DPP10: variants seen among roughly 807,000 people sequenced by gnomAD.
DPP10 encodes inactive dipeptidyl peptidase 10.
A neutral mutation model predicts 120.9 loss-of-function variants in DPP10; 33 were observed. That is an observed-to-expected ratio of 0.27 (90% CI 0.21 to 0.37). DPP10 has a LOEUF of 0.37. Ranked by LOEUF, DPP10 falls within the 10% of genes least tolerant of loss-of-function variation. The pLI is 1.00. For synonymous variants in DPP10, 337 were observed against 326.1 expected (o/e 1.03, Z -0.36); for missense variants, 816 against 942.8 (o/e 0.87, Z 1.76).
intron 1 of DPP10, among the ~76,000 whole-genome samples, chr2:114,794,413 C>A (rs184134150): frequency 6.6e-6 from 1 of 152,104 alleles, no homozygotes; most frequent in African/African-American, 2.4e-5. Flanking sequence ...TCAGAGAAAG[C>A]GAGGGTGTTC....
chr2:115,122,383 G>A (rs1193522087), intron 1 of DPP10, among the ~76,000 whole-genome samples: 1 of 152,144 alleles, frequency 6.6e-6, no homozygotes, highest in African/African-American at 2.4e-5. Flanking sequence ...CCCTAACCTT[G>A]GTCCCATCCA....
chr2:114,769,214 T>C (rs1033235574), intron 1 of DPP10, among the ~76,000 whole-genome samples: 1 of 152,152 alleles, frequency 6.6e-6, no homozygotes, highest in Non-Finnish European at 1.5e-5. Flanking sequence ...ATCAGAATAC[T>C]TGGCTTGGAT....
chr2:115,111,004 C>T (rs764113788), intron 1 of DPP10, among the ~76,000 whole-genome samples: 3 of 152,016 alleles, frequency 2.0e-5, no homozygotes, highest in Non-Finnish European at 4.4e-5. Context: ...ATAAAAACGA[C>T]ATTTATGATT....
rs1255743796 is a variant in DPP10, at chr2:114,510,791, C to T, written c.60+67953C>T. On this transcript the variant is annotated intron_variant, in intron 1 of 25. Coordinates refer to ENST00000410059, the MANE Select transcript of DPP10 (RefSeq NM_020868.6). The stretch of plus-strand genomic sequence containing the variant: ...TGCCTTTAGGAGGATTTCTTCTGGT[C>T]TGGACAATCGAAGAGGTTCACAGTG... Among the ~76,000 whole-genome samples, 3 of 152,176 alleles carry T rather than the reference C, an allele frequency of 2.0e-5. No homozygotes were observed. In the East Asian group the frequency reaches 5.8e-4, roughly 29 times the overall value.
intron 3 of DPP10, among the ~76,000 whole-genome samples, chr2:115,484,671 A>G (rs549928148): frequency 6.6e-6 from 1 of 152,286 alleles, no homozygotes; most frequent in Non-Finnish European, 1.5e-5. Context: ...TCTGAAAGAA[A>G]ACTATGGTAA....
At chr2:115,111,159 A>G (rs750618041) in intron 1 of DPP10, among the ~76,000 whole-genome samples, 2 of 152,072 alleles carry the variant, frequency 1.3e-5, no homozygotes, top group South Asian at 2.1e-4. Flanking sequence ...TTATGTGCTT[A>G]TGTTTTCTCC....
intron 1 of DPP10, chr2:115,050,352 A>C (rs141827156): frequency 6.6e-6 from 1 of 152,156 alleles, no homozygotes; most frequent in African/African-American, 2.4e-5. Context: ...AGCAAAACAG[A>C]CCTCGCTCAC....
intron 21 of DPP10, among the ~76,000 whole-genome samples, chr2:115,831,285 G>T (rs1688900393): frequency 6.6e-6 from 1 of 151,972 alleles, no homozygotes; most frequent in African/African-American, 2.4e-5. Flanking sequence ...GTCTTACTCA[G>T]TCGCCCAGGC....
intron 1 of DPP10, among the ~76,000 whole-genome samples, chr2:114,594,401 C>A (rs1691720867): frequency 6.7e-6 from 1 of 148,866 alleles, no homozygotes; most frequent in African/African-American, 2.5e-5. Context: ...TATAAACTCC[C>A]TTTTACATAT....
At chr2:115,334,884 A>T (rs112213918) in intron 2 of DPP10, among the ~76,000 whole-genome samples, 1 of 151,944 alleles carries the variant, frequency 6.6e-6, no homozygotes, top group Non-Finnish European at 1.5e-5. Flanking sequence ...ACATAACCCA[A>T]AAAATCTATG....
At chr2:114,980,128 A>G (rs575161755) in intron 1 of DPP10, among the ~76,000 whole-genome samples, 1 of 152,210 alleles carries the variant, frequency 6.6e-6, no homozygotes, top group Non-Finnish European at 1.5e-5. Flanking sequence ...GACAAATAAA[A>G]CTTGTTTACA....
chr2:114,839,308 C>A (rs911284685), intron 1 of DPP10, among the ~76,000 whole-genome samples: 2 of 152,104 alleles, frequency 1.3e-5, no homozygotes, highest in African/African-American at 4.8e-5. Context: ...GATTGATCAT[C>A]AGATAAGTCT....
intron 1 of DPP10, among the ~76,000 whole-genome samples, chr2:115,266,827 T>C (rs1414810200): frequency 1.3e-5 from 2 of 152,196 alleles, no homozygotes. Context: ...TGAAAAATAA[T>C]GAGAGATTTT....
intron 1 of DPP10, among the ~76,000 whole-genome samples, chr2:115,286,607 A>T (rs1473993958): frequency 7.0e-6 from 1 of 142,866 alleles, no homozygotes; most frequent in Non-Finnish European, 1.5e-5. Flanking sequence ...CAACTGGGAT[A>T]GTGTTTGAGA....
chr2:115,399,763 A>C (rs1167213248), intron 3 of DPP10, among the ~76,000 whole-genome samples: 1 of 152,208 alleles, frequency 6.6e-6, no homozygotes, highest in Non-Finnish European at 1.5e-5. Flanking sequence ...TTTTATAAAA[A>C]TTCTGATGGT....
At chr2:115,375,845 G>A (rs1459478113) in intron 3 of DPP10, among the ~76,000 whole-genome samples, 1 of 152,164 alleles carries the variant, frequency 6.6e-6, no homozygotes, top group African/African-American at 2.4e-5. Flanking sequence ...TCACTATGAT[G>A]AAAACAACAA....
chr2:114,527,608 C>T (rs1026501935), intron 1 of DPP10, among the ~76,000 whole-genome samples: 10 of 152,118 alleles, frequency 6.6e-5, no homozygotes, highest in East Asian at 5.8e-4. Context: ...TTTTTATACA[C>T]GGGGGATTCT....
intron 1 of DPP10, among the ~76,000 whole-genome samples, chr2:115,277,282 G>A (rs1373784214): frequency 1.3e-5 from 2 of 152,056 alleles, no homozygotes; most frequent in Non-Finnish European, 2.9e-5. Context: ...AGAAAACGCT[G>A]CAAACTAGGC....
chr2:115,489,849 C>T (rs1205290919), intron 3 of DPP10, among the ~76,000 whole-genome samples: 1 of 152,112 alleles, frequency 6.6e-6, no homozygotes, highest in African/African-American at 2.4e-5. Context: ...GGGAGATTAG[C>T]TGACAGTCTG....
Sources: gnomAD v4.1 joint callset for allele counts (sites outside exome capture counted in the v4.1 genomes callset) on GRCh38, gnomAD v4.1.1 for gene constraint, MANE v1.5 for transcripts, NCBI Gene and HGNC (gene_info 2026-07-23, HGNC 2026-07-21) for gene names.